DHRS12: variants seen among roughly 807,000 people sequenced by gnomAD.
DHRS12 encodes dehydrogenase/reductase SDR family member 12.
A neutral mutation model predicts 32.1 loss-of-function variants in DHRS12; 29 were observed. The observed-to-expected ratio is 0.90, with a 90% CI of 0.67 to 1.23. The LOEUF (loss-of-function observed/expected upper bound fraction) is 1.23, where lower values mean the gene tolerates loss of function less well. DHRS12 is among the 50% of genes most tolerant of loss of function. The pLI is 0.00. For synonymous variants in DHRS12, 150 were observed against 135.9 expected, an observed-to-expected ratio of 1.10 and a Z score of -0.72; for missense variants, 330 against 337.2, an observed-to-expected ratio of 0.98 and a Z score of 0.17.
chr13:51,803,873 G>A (rs1955870782), intron 1 of DHRS12, 181 bp downstream of exon 1: 2 of 468,678 alleles, frequency 4.3e-6, no homozygotes, highest in African/African-American at 2.1e-5. Flanking sequence ...GGAGTCTGGC[G>A]ACTGCCCCAC....
At chr13:51,771,117 TAGAC>T in intron 7 of DHRS12, 1 of 1,484,448 alleles carries the variant, frequency 6.7e-7, no homozygotes, top group Non-Finnish European at 9.0e-7. Context: ...GGTGTGATAA[TAGAC>T]AGTAGTGGCC....
the DHRS12 span, chr13:51,760,183 G>A: frequency 6.4e-6 from 1 of 157,454 alleles, no homozygotes; most frequent in Non-Finnish European, 1.4e-5. Flanking sequence ...CATGTGTCAC[G>A]TGGCCAGCGG....
chr13:51,790,206 A>G (rs1014833468), intron 3 of DHRS12, 114 bp from the exon 4 acceptor site: 10 of 749,854 alleles, frequency 1.3e-5, no homozygotes, highest in East Asian at 3.0e-5. Context: ...TCAAGTGACA[A>G]TGACAATTTG....
intron 2 of DHRS12, among the ~76,000 whole-genome samples, chr13:51,796,189 C>G (rs1955505047): frequency 6.6e-6 from 1 of 152,196 alleles, no homozygotes; most frequent in African/African-American, 2.4e-5. Flanking sequence ...CTCCTTCATA[C>G]CACGCTTTTG....
rs953010543 is a variant in DHRS12, at chr13:51,769,089, G to A, written c.697+67C>T. ...CCAGGTTTCACGGAGGGGAAGGTGC[G>A]CCTCGAAGGCCCAGCTGCTGCCCCT... On this transcript the variant is annotated intron_variant, in intron 8 of 8. Coordinates refer to ENST00000444610, the MANE Select transcript of DHRS12 (RefSeq NM_001377533.1). 9 of 1,545,118 alleles carry A rather than the reference G, an allele frequency of 5.8e-6. 1 individual carries two copies. The highest frequency in any genetic ancestry group is 4.6e-4 in the Middle Eastern group (2 of 4,366).
At chr13:51,802,202 C>T (rs1593578244) in intron 1 of DHRS12, among the ~76,000 whole-genome samples, 2 of 138,198 alleles carry the variant, frequency 1.4e-5, no homozygotes, top group South Asian at 4.5e-4. Context: ...CACACACACA[C>T]ACACACACAC....
At position 51,771,854 on chromosome 13, in the gene DHRS12, A is replaced by G; in HGVS notation, c.526T>C (p.Ser176Pro). ...WAQGHPAIHF[S>P]SMHPGWADTP... ...TCGGCCCAGCCAGGATGCATGGAAG[A>G]AAAATGGATGGCCGGGTGCCCTTGG... Residue 176 changes from serine to proline, a missense_variant, in exon 7 of 9, where the codon TCT becomes CCT. Ser to Pro is a moderately conservative substitution (Grantham distance 74). Transcript: ENST00000444610. 6.2e-7 allele frequency: 1 copy of G among 1,614,178 alleles called. No individual in the cohort carries two copies. The highest frequency in any genetic ancestry group is 1.1e-5 in the South Asian group (1 of 91,088).
At chr13:51,778,274 G>C (rs1015138633) in intron 4 of DHRS12, among the ~76,000 whole-genome samples, 1 of 152,252 alleles carries the variant, frequency 6.6e-6, no homozygotes, top group African/African-American at 2.4e-5. Flanking sequence ...GTGAGGACTG[G>C]AAAGTTCTCT....
In DHRS12 at chr13:51,791,172, T is replaced by C; in HGVS notation, c.212A>G (p.His71Arg). The C allele has an allele frequency of 1.3e-6, 2 of 1,580,190 alleles. No homozygotes were observed. The highest frequency in any genetic ancestry group is 1.7e-6 in the Non-Finnish European group (2 of 1,161,868). ...VENFKQEHKL[H>R]VLINNAGCMV... The stretch of plus-strand genomic sequence containing the variant: ...TATGTTTACAAAGCTCACCAGAACA[T>C]GGAGTTTATGTTCCTGCTTGAAATT... The change falls in exon 3 of 9, where the codon CAT (histidine) becomes CGT (arginine). Residue 71 changes from histidine (H) to arginine (R), a missense_variant. By Grantham distance (29) the His-to-Arg change is conservative. Coordinates refer to ENST00000444610, the MANE Select transcript of DHRS12 (RefSeq NM_001377533.1).
chr13:51,758,027 T>A, the DHRS12 span, among the ~76,000 whole-genome samples: 1 of 151,272 alleles, frequency 6.6e-6, no homozygotes. Flanking sequence ...ATTTTTTTTT[T>A]ATCATAACTG....
chr13:51,788,910 G>A (rs1371998207), intron 4 of DHRS12, among the ~76,000 whole-genome samples: 1 of 151,994 alleles, frequency 6.6e-6, no homozygotes, highest in Non-Finnish European at 1.5e-5. Context: ...AGCGGGGCTT[G>A]CTCAGTTCTG....
At chr13:51,801,393 G>A (rs987906326) in intron 1 of DHRS12, among the ~76,000 whole-genome samples, 4 of 152,046 alleles carry the variant, frequency 2.6e-5, no homozygotes, top group Non-Finnish European at 5.9e-5. Flanking sequence ...TCACCATGTT[G>A]GCCATGCTGG....
chr13:51,773,961 A>T lies in DHRS12; in HGVS notation c.437T>A (p.Phe146Tyr), dbSNP rs779076334. ...TTGTGCATAGACCATAGTTCCATCAAATGGTGTTCTTTCGGACTGGAGATC... is the reference window on the plus strand; with the variant it reads ...TTGTGCATAGACCATAGTTCCATCATATGGTGTTCTTTCGGACTGGAGATC... ...TNDLQSERTP[F>Y]DGTMVYAQNK... is the part of the protein sequence containing the mutation. Residue 146 changes from phenylalanine to tyrosine, a missense_variant, in exon 6 of 9, where the codon TTT (phenylalanine) becomes TAT (tyrosine). By Grantham distance (22) the Phe-to-Tyr change is conservative. Coordinates refer to ENST00000444610, the MANE Select transcript of DHRS12 (RefSeq NM_001377533.1). 3 of 1,614,064 alleles carry T rather than the reference A, an allele frequency of 1.9e-6. No individual in the cohort carries two copies. The South Asian group carries it at 3.3e-5, about 18-fold the overall frequency.
chr13:51,795,110 C>T (rs1052778331), intron 2 of DHRS12, among the ~76,000 whole-genome samples: 12 of 152,210 alleles, frequency 7.9e-5, no homozygotes, highest in African/African-American at 2.9e-4. Flanking sequence ...GAGATCCCCA[C>T]GTGACCTTGA....
At position 51,768,282 on chromosome 13, in the gene DHRS12, A is replaced by T. The variant is rs1270470714; in HGVS notation, c.712T>A (p.Ser238Thr). Residue 238 changes from serine (S) to threonine (T), a missense_variant, in exon 9 of 9, where the codon TCT becomes ACT. Transcript: ENST00000444610. ...GRFFQDRKPV[S>T]THLPLATASS... The stretch of plus-strand genomic sequence containing the variant: ...GCTGTAGCGAGAGGCAAGTGTGTAG[A>T]AACTGGCTTCCGATCTAAAAGTGAG... 6.5e-7 allele frequency: 1 copy of T among 1,535,964 alleles called. No individual in the cohort carries two copies. Among genetic ancestry groups the T allele is most frequent in the Admixed American group, 2.0e-5 (1 of 51,006 alleles).
chr13:51,757,916 C>T, the DHRS12 span, among the ~76,000 whole-genome samples: 1 of 151,622 alleles, frequency 6.6e-6, no homozygotes, highest in African/African-American at 2.4e-5. Context: ...TTTAAAAGCT[C>T]GGGTGGAGAT....
chr13:51,792,699 T>G (rs939642888), intron 2 of DHRS12, among the ~76,000 whole-genome samples: 2 of 151,960 alleles, frequency 1.3e-5, no homozygotes, highest in Admixed American at 6.6e-5. Context: ...CGTGCCCAGC[T>G]TGTGTTGGCC....
intron 2 of DHRS12, among the ~76,000 whole-genome samples, chr13:51,797,198 C>T (rs1328652213): frequency 6.6e-6 from 1 of 152,230 alleles, no homozygotes; most frequent in Non-Finnish European, 1.5e-5. Context: ...ATCTATACAG[C>T]TGCACACGCC....
intron 4 of DHRS12, 50 bp downstream of exon 4, chr13:51,789,961 A>G: frequency 6.4e-7 from 1 of 1,554,990 alleles, no homozygotes; most frequent in Non-Finnish European, 8.6e-7. Context: ...TCTATGGTAC[A>G]TTCTATGTTT....
Sources: allele counts gnomAD v4.1 joint callset (sites outside exome capture counted in the v4.1 genomes callset), GRCh38; gene constraint gnomAD v4.1.1; transcripts MANE v1.5; gene names NCBI Gene and HGNC (gene_info 2026-07-23, HGNC 2026-07-21).